CENPS: variants seen among roughly 807,000 people sequenced by gnomAD.
CENPS encodes the protein FANCM associated histone fold protein 1.
In CENPS, 16 loss-of-function variants were observed where a neutral mutation model predicts 17.9. That is an observed-to-expected ratio of 0.90 (90% CI 0.61 to 1.36). The LOEUF (loss-of-function observed/expected upper bound fraction) is 1.36, where lower values mean the gene tolerates loss of function less well. Ranked by LOEUF, CENPS falls within the 40% of genes most tolerant of loss-of-function variation. CENPS has a pLI of 0.00. For missense variants in CENPS, 160 were observed against 158.6 expected, an observed-to-expected ratio of 1.01 and a Z score of -0.05; for synonymous variants, 49 against 55.8, an observed-to-expected ratio of 0.88 and a Z score of 0.54.
At chr1:10,435,716 TACAC>T (rs60607643) in intron 3 of CENPS, among the ~76,000 whole-genome samples, 2 of 142,568 alleles carry the variant, frequency 1.4e-5, no homozygotes, top group African/African-American at 2.6e-5. Flanking sequence ...TATATATATA[TACAC>T]ACACACACAC....
intron 3 of CENPS, among the ~76,000 whole-genome samples, chr1:10,435,321 G>A (rs1570033483): frequency 6.6e-6 from 1 of 152,104 alleles, no homozygotes; most frequent in Non-Finnish European, 1.5e-5. Flanking sequence ...CTGAAAGGGC[G>A]AAAGTGTTCT....
chr1:10,431,326 T>G, intron 1 of CENPS: 1 of 1,535,174 alleles, frequency 6.5e-7, no homozygotes, highest in Non-Finnish European at 8.7e-7. Context: ...CTCTACAAAG[T>G]TACACTGCAG....
chr1:10,442,157 A>T, intron 4 of CENPS, 108 bp from the exon 5 acceptor site: 1 of 1,379,970 alleles, frequency 7.2e-7, no homozygotes, highest in Non-Finnish European at 9.5e-7. Context: ...TTTCTACCCA[A>T]ATTCTTTGAG....
chr1:10,433,543 G>A (rs1161991918), intron 1 of CENPS, among the ~76,000 whole-genome samples: 5 of 152,228 alleles, frequency 3.3e-5, no homozygotes, highest in Non-Finnish European at 7.3e-5. Context: ...ATAAGTGAGT[G>A]AAACCACTCA....
In CENPS at chr1:10,437,290, G is replaced by A. The variant is rs201577127; in HGVS notation, c.209+2600G>A. 1.3e-4 allele frequency among the ~76,000 whole-genome samples: 19 copies of A among 151,994 alleles called. No individual in the cohort carries two copies. The East Asian group carries it at 3.3e-3, about 26-fold the overall frequency. The stretch of plus-strand genomic sequence containing the variant: ...CCCACCTTGGCCTCCCAGAGTGTTG[G>A]TATTACAGGCATGAGCTGAGCCACT... On this transcript the variant is annotated intron_variant, in intron 3 of 4. Transcript: ENST00000309048.
At chr1:10,435,992 T>A (rs1483444989) in intron 3 of CENPS, among the ~76,000 whole-genome samples, 4 of 151,916 alleles carry the variant, frequency 2.6e-5, no homozygotes, top group Non-Finnish European at 5.9e-5. Flanking sequence ...TTTTTTTTTT[T>A]TTTTGGAGAC....
intron 3 of CENPS, among the ~76,000 whole-genome samples, chr1:10,437,699 C>G: frequency 6.6e-6 from 1 of 151,102 alleles, no homozygotes; most frequent in South Asian, 2.1e-4. Flanking sequence ...TCAGGTGATC[C>G]ACCCACCTCG....
chr1:10,441,496 T>C (rs942561472), intron 4 of CENPS, among the ~76,000 whole-genome samples: 4 of 151,844 alleles, frequency 2.6e-5, no homozygotes, highest in Non-Finnish European at 5.9e-5. Flanking sequence ...GTATGTTTTG[T>C]AGAGACGGGG....
At chr1:10,434,445 C>T (rs1640058482) in intron 2 of CENPS, among the ~76,000 whole-genome samples, 1 of 152,114 alleles carries the variant, frequency 6.6e-6, no homozygotes, top group Non-Finnish European at 1.5e-5. Flanking sequence ...GGGTGAAGGG[C>T]TCTGGGAAGG....
rs1370445326 is a variant in CENPS at position 10,430,529 on chromosome 1, G to A, written c.12G>A (p.Glu4=). The part of the protein sequence containing the change: MEE[E]AETEEQQRFS... ...GTCGGCCCGCAGTGATGGAGGAGGA[G>A]GCGGAGACCGAGGAGCAGCAGCGAT... Residue 4 remains glutamate (E), a synonymous_variant, in exon 1 of 5, where the codon GAG becomes GAA. Transcript: ENST00000309048. 1.9e-6 allele frequency: 3 copies of A among 1,538,736 alleles called. No homozygotes were observed. Among genetic ancestry groups the A allele is most frequent in the Middle Eastern group, 2.2e-4 (1 of 4,496 alleles).
intron 1 of CENPS, chr1:10,431,300 G>A (rs1173568747): frequency 1.4e-5 from 21 of 1,535,198 alleles, no homozygotes; most frequent in Non-Finnish European, 1.8e-5. Context: ...ATGAGCTCCA[G>A]ACGCGGGAGT....
chr1:10,440,690 A>AT (rs1371709870), intron 4 of CENPS, among the ~76,000 whole-genome samples: 1 of 152,232 alleles, frequency 6.6e-6, no homozygotes, highest in African/African-American at 2.4e-5. Flanking sequence ...CATTTACAAC[A>AT]TGATGTCAGA....
intron 1 of CENPS, among the ~76,000 whole-genome samples, chr1:10,431,559 C>G (rs960115656): frequency 6.6e-6 from 1 of 152,072 alleles, no homozygotes; most frequent in Admixed American, 6.6e-5. Context: ...ACACATCTCC[C>G]AAAAACAAGG....
chr1:10,437,432 G>A (rs1486112257), intron 3 of CENPS, among the ~76,000 whole-genome samples: 1 of 149,084 alleles, frequency 6.7e-6, no homozygotes, highest in African/African-American at 2.5e-5. Context: ...AGGGAAACTT[G>A]AGAGCAGGGG....
intron 1 of CENPS, chr1:10,431,362 T>A: frequency 1.3e-6 from 2 of 1,535,166 alleles, no homozygotes; most frequent in Non-Finnish European, 1.7e-6. Flanking sequence ...CCCCTTGTCT[T>A]TTGAGAAGTT....
rs761253707 is a variant in CENPS, at chr1:10,440,312, A to G, written c.210-35A>G. On this transcript the variant is annotated intron_variant, in intron 3 of 4. Transcript: ENST00000309048. ...TTCATCAAAACTTTAAATAATACCA[A>G]ACATTTTGGTGACTTGCTTCTGCCC... 49 of 1,608,934 alleles carry G rather than the reference A, an allele frequency of 3.0e-5. No homozygotes were observed. In the Middle Eastern group the frequency reaches 6.6e-4, roughly 22 times the overall value.
At chr1:10,438,074 A>G (rs1167511972) in intron 3 of CENPS, among the ~76,000 whole-genome samples, 1 of 151,782 alleles carries the variant, frequency 6.6e-6, no homozygotes, top group African/African-American at 2.4e-5. Flanking sequence ...AGAATACACA[A>G]TTAAATTCTA....
Position 10,430,479 on chromosome 1 carries a change from CTCGGCCCTCCTGCGTTTGCCCAGGG to C in CENPS, c.-31_-7del. On this transcript the variant is annotated 5_prime_UTR_variant, in exon 1 of 5. Transcript: ENST00000309048. ...ACCTGGCCGCGCACCACCGCCCCTT[CTCGGCCCTCCTGCGTTTGCCCAGGG>C]TCGGCCCGCAGTGATGGAGGAGGAG... The C allele has an allele frequency of 6.5e-7, 1 of 1,532,456 alleles. No homozygotes were observed. The highest frequency in any genetic ancestry group is 8.8e-7 in the Non-Finnish European group (1 of 1,140,338). 94.9% of individuals were successfully genotyped at this position (1,532,456 alleles called of 1,614,324 possible).
At chr1:10,434,921 A>G (rs952915878) in intron 3 of CENPS, among the ~76,000 whole-genome samples, 19 of 152,232 alleles carry the variant, frequency 1.2e-4, no homozygotes, top group Non-Finnish European at 2.6e-4. Context: ...AAAGAACCCA[A>G]GTTATTCAGT....
Sources: allele counts gnomAD v4.1 joint callset (sites outside exome capture counted in the v4.1 genomes callset), GRCh38; gene constraint gnomAD v4.1.1; transcripts MANE v1.5; gene names NCBI Gene and HGNC (gene_info 2026-07-23, HGNC 2026-07-21).